The following ADAMTS17 variants were observed in gnomAD, a reference collection of about 807,000 sequenced individuals.
ADAMTS17 encodes the protein ADAM metallopeptidase with thrombospondin type 1 motif 17.
ADAMTS17 carries 113 observed loss-of-function variants against 141.5 expected under a neutral mutation model. The observed-to-expected ratio is 0.80, with a 90% CI of 0.69 to 0.93. The LOEUF (loss-of-function observed/expected upper bound fraction) is 0.93. Ranked by LOEUF, ADAMTS17 falls within the 40% of genes least tolerant of loss-of-function variation. The probability of loss-of-function intolerance (pLI) is 0.00; values close to 1 mark genes in which losing one functional copy is unlikely to be tolerated. For missense variants in ADAMTS17, 1,659 were observed against 1,517.9 expected (o/e 1.09, Z -1.54); for synonymous variants, 768 against 630.6 (o/e 1.22, Z -3.27).
At chr15:100,318,778 T>C (rs2045641658) in intron 3 of ADAMTS17, among the ~76,000 whole-genome samples, 1 of 152,200 alleles carries the variant, frequency 6.6e-6, no homozygotes, top group South Asian at 2.1e-4. Context: ...AATCCAGCAG[T>C]TGTTGGGCTC....
intron 3 of ADAMTS17, among the ~76,000 whole-genome samples, chr15:100,322,881 A>G (rs1472174994): frequency 6.6e-6 from 1 of 152,120 alleles, no homozygotes; most frequent in Non-Finnish European, 1.5e-5. Flanking sequence ...AGGTCAGGAG[A>G]TCAAGACCAT....
chr15:100,277,185 C>T (rs541701327), intron 4 of ADAMTS17, among the ~76,000 whole-genome samples: 1 of 152,258 alleles, frequency 6.6e-6, no homozygotes, highest in South Asian at 2.1e-4. Flanking sequence ...CCTCAGGAAA[C>T]ATCTCAATCC....
chr15:100,176,688 T>C (rs1414480233), intron 8 of ADAMTS17, among the ~76,000 whole-genome samples: 1 of 150,938 alleles, frequency 6.6e-6, no homozygotes, highest in Non-Finnish European at 1.5e-5. Flanking sequence ...TTATATCACG[T>C]GTGTATCTTT....
At chr15:100,044,560 A>G (rs992768991) in intron 18 of ADAMTS17, among the ~76,000 whole-genome samples, 1 of 152,228 alleles carries the variant, frequency 6.6e-6, no homozygotes, top group African/African-American at 2.4e-5. Context: ...TTCCATGACC[A>G]TGAGCATAGC....
At chr15:100,009,221 CCCTTTACAG>C (rs1277355745) in intron 18 of ADAMTS17, among the ~76,000 whole-genome samples, 1 of 152,152 alleles carries the variant, frequency 6.6e-6, no homozygotes, top group African/African-American at 2.4e-5. Context: ...CTGCTGGTTT[CCCTTTACAG>C]AGGGAGAAAA....
intron 12 of ADAMTS17, among the ~76,000 whole-genome samples, chr15:100,117,347 C>T (rs1012933159): frequency 6.6e-6 from 1 of 152,170 alleles, no homozygotes; most frequent in Non-Finnish European, 1.5e-5. Flanking sequence ...ACCCAAGGGA[C>T]ACTTCTGGAG....
At chr15:100,258,935 G>T (rs2043422562) in intron 6 of ADAMTS17, among the ~76,000 whole-genome samples, 1 of 151,562 alleles carries the variant, frequency 6.6e-6, no homozygotes, top group African/African-American at 2.4e-5. Flanking sequence ...TCATCTTGGT[G>T]ACATTTATTG....
At chr15:100,098,794 G>A (rs964221247) in intron 14 of ADAMTS17, among the ~76,000 whole-genome samples, 3 of 152,188 alleles carry the variant, frequency 2.0e-5, no homozygotes, top group African/African-American at 7.2e-5. Flanking sequence ...TCACTTCAGA[G>A]CTCCAGTGCA....
chr15:100,219,883 A>G (rs1309057066), intron 7 of ADAMTS17, among the ~76,000 whole-genome samples: 1 of 152,130 alleles, frequency 6.6e-6, no homozygotes, highest in Non-Finnish European at 1.5e-5. Context: ...TCTACTTTCC[A>G]CTGAGCATTC....
chr15:100,077,021 T>C (rs887016700), intron 15 of ADAMTS17, among the ~76,000 whole-genome samples: 17 of 152,080 alleles, frequency 1.1e-4, no homozygotes, highest in African/African-American at 4.1e-4. Flanking sequence ...AACAACACTG[T>C]ATCATATATG....
intron 15 of ADAMTS17, among the ~76,000 whole-genome samples, chr15:100,055,644 G>T (rs73474423): frequency 6.6e-6 from 1 of 152,190 alleles, no homozygotes; most frequent in South Asian, 2.1e-4. Context: ...ACTTGGAGCC[G>T]AATCTGTTTC....
At chr15:100,117,323 G>C (rs1298520686) in intron 12 of ADAMTS17, among the ~76,000 whole-genome samples, 1 of 152,144 alleles carries the variant, frequency 6.6e-6, no homozygotes, top group Non-Finnish European at 1.5e-5. Context: ...ATTTGGCCAT[G>C]GGTAACACTG....
At chr15:100,073,759 G>C (rs1200943670) in intron 15 of ADAMTS17, among the ~76,000 whole-genome samples, 1 of 10,330 alleles carries the variant, frequency 9.7e-5, no homozygotes, top group African/African-American at 4.4e-4. Flanking sequence ...ACTGGGGACT[G>C]TTGTGGGGTG....
intron 8 of ADAMTS17, among the ~76,000 whole-genome samples, chr15:100,159,361 T>G (rs572028121): frequency 6.6e-6 from 1 of 152,376 alleles, no homozygotes; most frequent in Admixed American, 6.5e-5. Flanking sequence ...ATCAGCTTTT[T>G]ATTTTCTTCT....
At chr15:100,170,180 T>C (rs2040107983) in intron 8 of ADAMTS17, among the ~76,000 whole-genome samples, 1 of 152,162 alleles carries the variant, frequency 6.6e-6, no homozygotes, top group Non-Finnish European at 1.5e-5. Context: ...TTGAATTCTT[T>C]GTGACATTCA....
At chr15:100,136,598 G>T (rs1204645872) in intron 10 of ADAMTS17, among the ~76,000 whole-genome samples, 2 of 152,190 alleles carry the variant, frequency 1.3e-5, no homozygotes, top group African/African-American at 4.8e-5. Context: ...AGGCAGGAGG[G>T]GGCTTTCTCT....
intron 7 of ADAMTS17, among the ~76,000 whole-genome samples, chr15:100,224,058 C>A (rs1376505879): frequency 6.6e-6 from 1 of 152,090 alleles, no homozygotes; most frequent in Non-Finnish European, 1.5e-5. Flanking sequence ...TCACTGGAAG[C>A]TGATTAGATT....
intron 4 of ADAMTS17, 127 bp from the exon 5 acceptor site, chr15:100,262,562 G>A (rs2043561453): frequency 7.7e-6 from 5 of 646,050 alleles, no homozygotes; most frequent in Admixed American, 2.7e-5. Flanking sequence ...GAAATAAAGC[G>A]TAGACTTTAG....
At chr15:100,082,124 G>A (rs796586135) in intron 15 of ADAMTS17, among the ~76,000 whole-genome samples, 23 of 152,218 alleles carry the variant, frequency 1.5e-4, no homozygotes, top group African/African-American at 4.3e-4. Context: ...GGAGTGCAGC[G>A]GTGCAATCTT....
Sources: allele counts gnomAD v4.1 joint callset (sites outside exome capture counted in the v4.1 genomes callset), GRCh38; gene constraint gnomAD v4.1.1; transcripts MANE v1.5; gene names NCBI Gene and HGNC (gene_info 2026-07-23, HGNC 2026-07-21).